The following KAZN variants were observed in gnomAD, a reference collection of about 807,000 sequenced individuals.
KAZN encodes the protein kazrin, periplakin interacting protein, also known as kazrin.
KAZN carries 40 observed loss-of-function variants against 87.4 expected under a neutral mutation model. That is an observed-to-expected ratio of 0.46 (90% CI 0.36 to 0.60). The LOEUF (loss-of-function observed/expected upper bound fraction) is 0.60. Among genes scored for constraint, KAZN ranks in the 20% least tolerant of loss-of-function variants. The probability of loss-of-function intolerance (pLI) is 0.00; values close to 1 mark genes in which losing one functional copy is unlikely to be tolerated. For missense variants in KAZN, 898 were observed against 1,073.9 expected, an observed-to-expected ratio of 0.84 and a Z score of 2.29; for synonymous variants, 466 against 458.3, an observed-to-expected ratio of 1.02 and a Z score of -0.22.
intron 1 of KAZN, among the ~76,000 whole-genome samples, chr1:14,848,419 G>T (rs1006552186): frequency 6.6e-6 from 1 of 152,204 alleles, no homozygotes; most frequent in African/African-American, 2.4e-5. Context: ...CCACCACCGT[G>T]CCTACCGCAG....
intron 3 of KAZN, among the ~76,000 whole-genome samples, chr1:15,038,224 A>G (rs137999239): frequency 0.022 from 3,292 of 152,208 alleles, 33 homozygotes; most frequent in Middle Eastern, 0.061. Context: ...ACTGCACTCC[A>G]GCCTGGGCAA....
At chr1:14,821,514 GA>G (rs756026320) in intron 1 of KAZN, among the ~76,000 whole-genome samples, 202 of 130,822 alleles carry the variant, frequency 1.5e-3, no homozygotes, top group South Asian at 4.7e-3. Flanking sequence ...CTCCACCTCT[GA>G]AAAAAAAAAA....
At chr1:14,209,076 C>A (rs1646801222) in intron 2 of KAZN, among the ~76,000 whole-genome samples, 1 of 152,354 alleles carries the variant, frequency 6.6e-6, no homozygotes, top group Non-Finnish European at 1.5e-5. Context: ...GCCCCCACCA[C>A]TACCCTGCTC....
chr1:14,762,511 G>C (rs570655454), intron 1 of KAZN, among the ~76,000 whole-genome samples: 1 of 152,186 alleles, frequency 6.6e-6, no homozygotes, highest in Admixed American at 6.5e-5. Context: ...GGATCATGAG[G>C]TCAGGAAATC....
rs111561359 is a variant in KAZN, at chr1:14,814,315, C to A, written c.227-146369C>A. On this transcript the variant is annotated intron_variant, in intron 1 of 14. Coordinates refer to ENST00000376030, the MANE Select transcript of KAZN (RefSeq NM_201628.3). Reference sequence around the variant, plus strand: ...CATATCAGCTCCCTGAAACCTCTGCCCCCCGGGTTCAAGTGATTCTCCTGC... The same window carrying A: ...CATATCAGCTCCCTGAAACCTCTGCACCCCGGGTTCAAGTGATTCTCCTGC... 5.9e-5 allele frequency among the ~76,000 whole-genome samples: 9 copies of A among 152,178 alleles called. 1 individual carries two copies. Among genetic ancestry groups the A allele is most frequent in the African/African-American group, 2.2e-4 (9 of 41,492 alleles).
At chr1:14,161,940 G>A (rs555079956) in intron 1 of KAZN, among the ~76,000 whole-genome samples, 4 of 152,262 alleles carry the variant, frequency 2.6e-5, no homozygotes, top group South Asian at 2.1e-4. Context: ...CTTCTCACAC[G>A]AACAGTGGTG....
At chr1:14,636,952 T>C (rs1210202926) in intron 1 of KAZN, among the ~76,000 whole-genome samples, 4 of 152,264 alleles carry the variant, frequency 2.6e-5, no homozygotes, top group South Asian at 2.1e-4. Context: ...AGTTCAGACA[T>C]GTCACAGCCA....
intron 1 of KAZN, among the ~76,000 whole-genome samples, chr1:14,696,236 C>T (rs916084798): frequency 1.7e-4 from 26 of 152,074 alleles, no homozygotes; most frequent in African/African-American, 4.8e-4. Flanking sequence ...AAGTGAACCA[C>T]GCAGCATTTA....
chr1:14,430,900 A>G (rs776752749), intron 2 of KAZN, among the ~76,000 whole-genome samples: 8 of 152,236 alleles, frequency 5.3e-5, no homozygotes, highest in Non-Finnish European at 1.0e-4. Flanking sequence ...TAGAAAGCTC[A>G]TCTTCCCATC....
intron 4 of KAZN, among the ~76,000 whole-genome samples, chr1:15,048,241 T>A (rs923651197): frequency 7.9e-5 from 12 of 152,218 alleles, no homozygotes; most frequent in Non-Finnish European, 1.6e-4. Flanking sequence ...TCTGCAGACG[T>A]TTCCCAAGAA....
chr1:14,108,327 G>A (rs1367123275), intron 1 of KAZN, among the ~76,000 whole-genome samples: 1 of 152,162 alleles, frequency 6.6e-6, no homozygotes. Context: ...GAAGAGTATA[G>A]CTCCCTGTTT....
At chr1:14,609,461 C>A (rs1377381338) in intron 1 of KAZN, among the ~76,000 whole-genome samples, 1 of 152,188 alleles carries the variant, frequency 6.6e-6, no homozygotes, top group Non-Finnish European at 1.5e-5. Context: ...CAAAAAGCAA[C>A]CTTGTTTAAA....
intron 2 of KAZN, among the ~76,000 whole-genome samples, chr1:14,383,838 C>A (rs1661609503): frequency 6.6e-6 from 1 of 151,906 alleles, no homozygotes; most frequent in African/African-American, 2.4e-5. Flanking sequence ...AGTAGTTTTT[C>A]CAATTCTGTG....
At chr1:14,860,898 G>A (rs1183852556) in intron 1 of KAZN, among the ~76,000 whole-genome samples, 1 of 152,152 alleles carries the variant, frequency 6.6e-6, no homozygotes, top group Non-Finnish European at 1.5e-5. Flanking sequence ...TTTTGGCACT[G>A]GGGTTGGTCA....
intron 2 of KAZN, among the ~76,000 whole-genome samples, chr1:14,544,338 C>CTTTA (rs1672994018): frequency 1.1e-5 from 1 of 88,770 alleles, no homozygotes; most frequent in South Asian, 4.5e-4. Context: ...TTTTCTTTTT[C>CTTTA]TTTCTTTCTT....
rs181244335 is a variant in KAZN, at chr1:14,718,315, G to A, written c.226+119092G>A. ...TTGATGTGAATTCAAACCGTGGTAG[G>A]CGGTGTGCCCTCGGGACTCCACTCA... On this transcript the variant is annotated intron_variant, in intron 1 of 14. Coordinates refer to ENST00000376030, the MANE Select transcript of KAZN (RefSeq NM_201628.3). 1.1e-4 allele frequency among the ~76,000 whole-genome samples: 17 copies of A among 152,308 alleles called. No individual in the cohort carries two copies. The East Asian group carries it at 3.1e-3, about 28-fold the overall frequency.
chr1:14,467,279 T>C lies in KAZN; in HGVS notation c.250-131704T>C, dbSNP rs916259530. 2.0e-5 allele frequency among the ~76,000 whole-genome samples: 3 copies of C among 151,742 alleles called. No homozygotes were observed. The East Asian group carries it at 5.8e-4, about 29-fold the overall frequency. On this transcript the variant is annotated intron_variant, in intron 2 of 16. Coordinates refer to the KAZN transcript ENST00000636203. ...TGAATTAGATTGTTTTAAGTTAAGA[T>C]GCTAATTGCAATCCCCAGGGCAACC...
intron 1 of KAZN, among the ~76,000 whole-genome samples, chr1:14,127,608 C>T (rs894384850): frequency 1.3e-5 from 2 of 152,144 alleles, no homozygotes; most frequent in African/African-American, 4.8e-5. Flanking sequence ...AACCTTCCCC[C>T]GTCATCCTTG....
intron 1 of KAZN, among the ~76,000 whole-genome samples, chr1:14,939,886 G>A (rs1203944861): frequency 6.6e-6 from 1 of 152,144 alleles, no homozygotes; most frequent in Non-Finnish European, 1.5e-5. Context: ...GTCACAGGGG[G>A]CCTGGGTTGA....
Sources: gnomAD v4.1 joint callset for allele counts (sites outside exome capture counted in the v4.1 genomes callset) on GRCh38, gnomAD v4.1.1 for gene constraint, MANE v1.5 for transcripts, NCBI Gene and HGNC (gene_info 2026-07-23, HGNC 2026-07-21) for gene names.